Variants in DLGAP2 observed in about 807,000 individuals in gnomAD.
DLGAP2 encodes DLG associated protein 2.
A neutral mutation model predicts 100.3 loss-of-function variants in DLGAP2; 26 were observed. The observed-to-expected ratio is 0.26, with a 90% CI of 0.19 to 0.36. The LOEUF (loss-of-function observed/expected upper bound fraction) is 0.36, where lower values mean the gene tolerates loss of function less well. Among genes scored for constraint, DLGAP2 ranks in the 10% least tolerant of loss-of-function variants. DLGAP2 has a pLI of 1.00. For synonymous variants in DLGAP2, 886 were observed against 630.1 expected (o/e 1.41, Z -6.08); for missense variants, 1,858 against 1,453.2 (o/e 1.28, Z -4.53).
intron 14 of DLGAP2, among the ~76,000 whole-genome samples, chr8:1,700,728 T>C (rs1210268475): frequency 6.6e-6 from 1 of 152,178 alleles, no homozygotes; most frequent in East Asian, 1.9e-4. Flanking sequence ...TCACGTAAGA[T>C]GGTTTTCATG....
At chr8:1,301,202 C>G (rs1800330035) in intron 3 of DLGAP2, 1 of 152,364 alleles carries the variant, frequency 6.6e-6, no homozygotes, top group Non-Finnish European at 1.5e-5. Context: ...AGTTTGAGGT[C>G]CTTCTCCCAT....
chr8:1,129,308 C>T (rs1243005654), intron 2 of DLGAP2, among the ~76,000 whole-genome samples: 1 of 150,700 alleles, frequency 6.6e-6, no homozygotes, highest in Admixed American at 6.6e-5. Flanking sequence ...GAGGCTGAGG[C>T]AGGGGAATTG....
At chr8:1,566,794 G>A (rs568021444) in intron 6 of DLGAP2, among the ~76,000 whole-genome samples, 3 of 152,292 alleles carry the variant, frequency 2.0e-5, no homozygotes, top group Admixed American at 6.5e-5. Flanking sequence ...GTTATTCATC[G>A]CTGTTGGCTT....
intron 3 of DLGAP2, among the ~76,000 whole-genome samples, chr8:1,470,300 C>T (rs1040738513): frequency 2.6e-5 from 4 of 152,172 alleles, no homozygotes; most frequent in Non-Finnish European, 5.9e-5. Flanking sequence ...CAGCACTTCT[C>T]AGCCCCCAAT....
chr8:781,143 G>C (rs1457661970), intron 1 of DLGAP2, among the ~76,000 whole-genome samples: 1 of 152,064 alleles, frequency 6.6e-6, no homozygotes, highest in Non-Finnish European at 1.5e-5. Flanking sequence ...CATCTGTTAA[G>C]AATTTGTAGT....
intron 2 of DLGAP2, among the ~76,000 whole-genome samples, chr8:918,965 G>A (rs1356578142): frequency 6.6e-6 from 1 of 152,076 alleles, no homozygotes; most frequent in Admixed American, 6.5e-5. Context: ...TTTTGAAACA[G>A]GGTCTCACTG....
At chr8:1,337,369 GTGA>G (rs1474858996) in intron 3 of DLGAP2, among the ~76,000 whole-genome samples, 41 of 1,674 alleles carry the variant, frequency 0.024, no homozygotes, top group African/African-American at 0.072. Flanking sequence ...GAGGATGACA[GTGA>G]TGATGATGGT....
At chr8:1,108,521 T>C (rs568052783) in intron 2 of DLGAP2, among the ~76,000 whole-genome samples, 1 of 149,590 alleles carries the variant, frequency 6.7e-6, no homozygotes, top group South Asian at 2.1e-4. Flanking sequence ...CTGTGAGGTG[T>C]GAATGTGTCT....
At chr8:1,026,229 G>T (rs1157194368) in intron 2 of DLGAP2, among the ~76,000 whole-genome samples, 4 of 152,158 alleles carry the variant, frequency 2.6e-5, no homozygotes, top group African/African-American at 9.7e-5. Flanking sequence ...TGGTGGAGAC[G>T]TTTGCCGTCT....
chr8:959,570 C>A (rs185581195), intron 2 of DLGAP2, among the ~76,000 whole-genome samples: 2 of 152,346 alleles, frequency 1.3e-5, no homozygotes, highest in African/African-American at 4.8e-5. Flanking sequence ...GGCTTGCTTC[C>A]TCACTGGGAT....
chr8:1,171,174 C>A (rs1432270547), intron 2 of DLGAP2, among the ~76,000 whole-genome samples: 1 of 152,234 alleles, frequency 6.6e-6, no homozygotes, highest in African/African-American at 2.4e-5. Flanking sequence ...TGTTCAGTTT[C>A]CATGTAGTTG....
At chr8:1,132,645 C>T (rs1796317870) in intron 2 of DLGAP2, among the ~76,000 whole-genome samples, 1 of 152,140 alleles carries the variant, frequency 6.6e-6, no homozygotes, top group Admixed American at 6.5e-5. Flanking sequence ...GTAAAGAAGG[C>T]GTTTACTGGA....
rs12155891 is a variant in DLGAP2 at position 1,229,387 on chromosome 8, A to C, written c.74-29464A>C. Among the ~76,000 whole-genome samples, 253 of 151,860 alleles carry C rather than the reference A, an allele frequency of 1.7e-3. 2 individuals are homozygous for C. The highest frequency in any genetic ancestry group is 5.8e-3 in the African/African-American group (241 of 41,430). Reference sequence around the variant, plus strand: ...TTTTTTAAGTTGGATTTTTATTACCAATTCAGTTTTGGAACTTGATAATGA... The same window carrying C: ...TTTTTTAAGTTGGATTTTTATTACCCATTCAGTTTTGGAACTTGATAATGA... On this transcript the variant is annotated intron_variant, in intron 2 of 14. Coordinates refer to ENST00000637795, the MANE Select transcript of DLGAP2 (RefSeq NM_001346810.2).
chr8:1,553,291 G>A (rs1170764793), intron 5 of DLGAP2, among the ~76,000 whole-genome samples: 1 of 152,168 alleles, frequency 6.6e-6, no homozygotes, highest in Admixed American at 6.5e-5. Flanking sequence ...TCCCCACCTG[G>A]CGTCGCCCGG....
At chr8:1,102,720 G>A (rs149225753) in intron 2 of DLGAP2, among the ~76,000 whole-genome samples, 3 of 152,152 alleles carry the variant, frequency 2.0e-5, no homozygotes, top group Non-Finnish European at 4.4e-5. Flanking sequence ...AGGCACCTTT[G>A]CGTCTGCACT....
At chr8:1,133,195 C>T (rs1468586369) in intron 2 of DLGAP2, among the ~76,000 whole-genome samples, 1 of 152,186 alleles carries the variant, frequency 6.6e-6, no homozygotes, top group South Asian at 2.1e-4. Context: ...TTAAGCACTC[C>T]TGGGGCCAGC....
intron 3 of DLGAP2, among the ~76,000 whole-genome samples, chr8:1,483,513 GA>G (rs1799157792): frequency 1.7e-4 from 24 of 143,402 alleles, no homozygotes; most frequent in African/African-American, 6.9e-4. Context: ...GAGGACAAGG[GA>G]AGGCTGAACT....
At chr8:1,308,844 A>G (rs947165239) in intron 3 of DLGAP2, among the ~76,000 whole-genome samples, 2 of 152,178 alleles carry the variant, frequency 1.3e-5, no homozygotes, top group Non-Finnish European at 2.9e-5. Flanking sequence ...ATTTTTTAAA[A>G]TTTTCTTAAA....
chr8:1,250,621 G>C (rs993606709), intron 2 of DLGAP2: 1 of 152,082 alleles, frequency 6.6e-6, no homozygotes, highest in Non-Finnish European at 1.5e-5. Flanking sequence ...GAGAAGACGC[G>C]TTCCCTCCCT....
Sources: allele counts gnomAD v4.1 joint callset (sites outside exome capture counted in the v4.1 genomes callset), GRCh38; gene constraint gnomAD v4.1.1; transcripts MANE v1.5; gene names NCBI Gene and HGNC (gene_info 2026-07-23, HGNC 2026-07-21).